TENM2: variants seen among roughly 807,000 people sequenced by gnomAD.
The protein encoded by TENM2 is teneurin transmembrane protein 2.
TENM2 carries 52 observed loss-of-function variants against 245.2 expected under a neutral mutation model. The observed-to-expected ratio is 0.21, with a 90% CI of 0.17 to 0.27. The LOEUF is 0.27. Ranked by LOEUF, TENM2 falls within the 10% of genes least tolerant of loss-of-function variation. The pLI, the probability that TENM2 is intolerant of heterozygous loss-of-function variation, is 1.00. For synonymous variants in TENM2, 1,363 were observed against 1,438.9 expected, an observed-to-expected ratio of 0.95 and a Z score of 1.19; for missense variants, 3,046 against 3,666.8, an observed-to-expected ratio of 0.83 and a Z score of 4.37.
At chr5:167,751,949 A>C (rs1346347017) in intron 2 of TENM2, among the ~76,000 whole-genome samples, 1 of 134,144 alleles carries the variant, frequency 7.5e-6, no homozygotes, top group Non-Finnish European at 1.6e-5. Flanking sequence ...TTCTGTGAAA[A>C]TAATACACAC....
At chr5:167,100,529 G>T in the TENM2 span, among the ~76,000 whole-genome samples, 1 of 152,224 alleles carries the variant, frequency 6.6e-6, no homozygotes, top group Non-Finnish European at 1.5e-5. Context: ...AGACTGAGAA[G>T]GTCCTCCACA....
At chr5:167,854,347 G>GA (rs57202093) in intron 2 of TENM2, among the ~76,000 whole-genome samples, 2 of 152,022 alleles carry the variant, frequency 1.3e-5, no homozygotes, top group East Asian at 1.9e-4. Context: ...TTTGTAGGGG[G>GA]AAAAAAAGGC....
intron 2 of TENM2, among the ~76,000 whole-genome samples, chr5:167,404,760 A>AT: frequency 6.6e-6 from 1 of 152,016 alleles, no homozygotes; most frequent in Non-Finnish European, 1.5e-5. Flanking sequence ...CCTGCGACTT[A>AT]TTTTTTGTAA....
chr5:167,428,790 C>T (rs766337108), intron 2 of TENM2, among the ~76,000 whole-genome samples: 2 of 152,144 alleles, frequency 1.3e-5, no homozygotes, highest in Admixed American at 6.6e-5. Flanking sequence ...ATTGTTCAAT[C>T]GAGGCCGAGC....
At chr5:167,243,956 T>G in the TENM2 span, among the ~76,000 whole-genome samples, 1 of 152,310 alleles carries the variant, frequency 6.6e-6, no homozygotes, top group East Asian at 1.9e-4. Context: ...TCCAGAAATC[T>G]TTGACAGGGG....
chr5:168,128,244 G>A (rs935530015), intron 12 of TENM2, among the ~76,000 whole-genome samples: 2 of 152,166 alleles, frequency 1.3e-5, no homozygotes, highest in Non-Finnish European at 2.9e-5. Flanking sequence ...CCCTGCAGCC[G>A]CTTTTATCCT....
the TENM2 span, among the ~76,000 whole-genome samples, chr5:167,203,487 A>G: frequency 1.3e-5 from 2 of 152,312 alleles, no homozygotes; most frequent in South Asian, 4.1e-4. Context: ...TTCATGAAGC[A>G]TGCCCTCCTG....
At chr5:167,733,159 G>A (rs2150564087) in intron 2 of TENM2, among the ~76,000 whole-genome samples, 1 of 152,306 alleles carries the variant, frequency 6.6e-6, no homozygotes, top group Non-Finnish European at 1.5e-5. Context: ...TGGCGGAGTT[G>A]ATTGGTCACC....
rs1356100774 is a variant in TENM2, at chr5:167,776,610, A to G, written c.503-99376A>G. Among the ~76,000 whole-genome samples the G allele has an allele frequency of 2.3e-3, 233 of 99,172 alleles. 7 individuals are homozygous for G. The highest frequency in any genetic ancestry group is 9.6e-3 in the African/African-American group (223 of 23,208). The allele number at this position is 99,172 out of a possible 152,430, so 65.1% of individuals were successfully genotyped here. On this transcript the variant is annotated intron_variant, in intron 2 of 28. Transcript: ENST00000518659. ...CCCTGTCTGAAAAAAAAAAAAAAAAAAAAAAAAAAAAAAAAACCATATATA... is the reference window on the plus strand; with the variant it reads ...CCCTGTCTGAAAAAAAAAAAAAAAAGAAAAAAAAAAAAAAAACCATATATA...
chr5:167,101,129 A>C, the TENM2 span, among the ~76,000 whole-genome samples: 1 of 152,204 alleles, frequency 6.6e-6, no homozygotes, highest in East Asian at 1.9e-4. Context: ...TCTGTGCTTT[A>C]CAGTTGATGA....
At chr5:167,278,134 T>C in the TENM2 span, among the ~76,000 whole-genome samples, 1 of 152,064 alleles carries the variant, frequency 6.6e-6, no homozygotes, top group East Asian at 1.9e-4. Context: ...CAAAATTCCA[T>C]CTCCATAAAA....
intron 2 of TENM2, among the ~76,000 whole-genome samples, chr5:167,822,790 G>C (rs999069381): frequency 1.3e-5 from 2 of 152,190 alleles, no homozygotes; most frequent in Admixed American, 1.3e-4. Flanking sequence ...TTGTAGGGGG[G>C]CTATTAGCAG....
chr5:168,100,460 A>C (rs1793716754), intron 9 of TENM2, among the ~76,000 whole-genome samples: 1 of 152,226 alleles, frequency 6.6e-6, no homozygotes, highest in African/African-American at 2.4e-5. Context: ...CACTATTCAC[A>C]ATAGCAAAGA....
rs955752126 is a variant in TENM2, at chr5:167,322,162, T to C, written c.226+37099T>C. On this transcript the variant is annotated intron_variant, in intron 1 of 28. Transcript: ENST00000518659. Reference sequence around the variant, plus strand: ...ATTGGCTTTTATGTCTTCTTGACACTCTGATTTGTGTGTTTATGATGCTCG... The same window carrying C: ...ATTGGCTTTTATGTCTTCTTGACACCCTGATTTGTGTGTTTATGATGCTCG... 9.2e-5 allele frequency among the ~76,000 whole-genome samples: 14 copies of C among 152,016 alleles called. No individual in the cohort carries two copies. In the South Asian group the frequency reaches 2.9e-3, roughly 32 times the overall value.
the TENM2 span, among the ~76,000 whole-genome samples, chr5:167,206,279 T>C: frequency 6.6e-6 from 1 of 152,152 alleles, no homozygotes; most frequent in Non-Finnish European, 1.5e-5. Context: ...TTGTTTCTCT[T>C]CTGTTTCTTT....
At chr5:167,460,844 T>C (rs1223554590) in intron 2 of TENM2, among the ~76,000 whole-genome samples, 2 of 152,220 alleles carry the variant, frequency 1.3e-5, no homozygotes, top group Non-Finnish European at 2.9e-5. Flanking sequence ...TTTTAATCCC[T>C]TTTGTTTTTC....
the TENM2 span, among the ~76,000 whole-genome samples, chr5:166,997,176 G>A: frequency 2.3e-4 from 35 of 152,244 alleles, no homozygotes; most frequent in Admixed American, 2.0e-3. Context: ...CCATGCCAGC[G>A]AAGACCTACC....
intron 2 of TENM2, among the ~76,000 whole-genome samples, chr5:167,603,317 C>A (rs989177503): frequency 1.3e-5 from 2 of 152,136 alleles, no homozygotes; most frequent in African/African-American, 4.8e-5. Context: ...TCCGTGTTGG[C>A]TTCCAGATAT....
the TENM2 span, among the ~76,000 whole-genome samples, chr5:167,273,569 C>A: frequency 1.3e-5 from 2 of 152,096 alleles, no homozygotes; most frequent in African/African-American, 4.8e-5. Context: ...AGAGTAGTAT[C>A]TTATTACTTT....
Sources: allele counts gnomAD v4.1 joint callset (sites outside exome capture counted in the v4.1 genomes callset), GRCh38; gene constraint gnomAD v4.1.1; transcripts MANE v1.5; gene names NCBI Gene and HGNC (gene_info 2026-07-23, HGNC 2026-07-21).